Variants in ARSG observed in about 807,000 individuals in gnomAD.
The protein encoded by ARSG is arylsulfatase G.
ARSG carries 37 observed loss-of-function variants against 50.5 expected under a neutral mutation model. That is an observed-to-expected ratio of 0.73 (90% confidence interval 0.56 to 0.96). The LOEUF is 0.96. ARSG is among the 50% of genes least tolerant of loss of function. The pLI is 0.00. For missense variants in ARSG, 629 were observed against 675.3 expected, an observed-to-expected ratio of 0.93 and a Z score of 0.76; for synonymous variants, 225 against 254.6, an observed-to-expected ratio of 0.88 and a Z score of 1.11.
chr17:68,337,467 C>T (rs2078073250), intron 2 of ARSG, among the ~76,000 whole-genome samples: 1 of 151,946 alleles, frequency 6.6e-6, no homozygotes, highest in African/African-American at 2.4e-5. Context: ...AGAACAGCAG[C>T]CATCAGGGAG....
intron 1 of ARSG, among the ~76,000 whole-genome samples, chr17:68,278,676 G>A (rs2075603230): frequency 7.3e-6 from 1 of 136,188 alleles, no homozygotes; most frequent in Non-Finnish European, 1.5e-5. Context: ...CTGCAGTGTA[G>A]TTGTGTGATC....
chr17:68,272,784 A>G, intron 1 of ARSG: 1 of 1,612,984 alleles, frequency 6.2e-7, no homozygotes, highest in East Asian at 2.2e-5. Context: ...AAGAAAAGTC[A>G]AAAAAGCCAA....
At chr17:68,309,306 T>C (rs1456414610) in intron 2 of ARSG, among the ~76,000 whole-genome samples, 3 of 152,140 alleles carry the variant, frequency 2.0e-5, no homozygotes, top group Admixed American at 2.0e-4. Flanking sequence ...CACACCTCCC[T>C]GCAAGCCGAG....
At chr17:68,293,292 A>G (rs1439943698) in intron 1 of ARSG, among the ~76,000 whole-genome samples, 1 of 152,194 alleles carries the variant, frequency 6.6e-6, no homozygotes, top group Non-Finnish European at 1.5e-5. Context: ...CATATTCTGT[A>G]TGTCTTAGGA....
chr17:68,322,323 C>A (rs2145863872), intron 2 of ARSG, among the ~76,000 whole-genome samples: 1 of 152,274 alleles, frequency 6.6e-6, no homozygotes, highest in South Asian at 2.1e-4. Flanking sequence ...AAACTGCATC[C>A]CGCTGTAGAA....
chr17:68,418,958 A>G (rs2147566417), intron 11 of ARSG, among the ~76,000 whole-genome samples: 1 of 147,464 alleles, frequency 6.8e-6, no homozygotes, highest in South Asian at 2.1e-4. Context: ...CCCTTTGTTT[A>G]TTTAATTATG....
At chr17:68,434,020 T>C in the ARSG span, among the ~76,000 whole-genome samples, 1 of 152,008 alleles carries the variant, frequency 6.6e-6, no homozygotes, top group Non-Finnish European at 1.5e-5. Flanking sequence ...TCTGCCTGCC[T>C]TGGCCTCCCA....
chr17:68,351,944 G>T (rs983569100), intron 5 of ARSG, among the ~76,000 whole-genome samples: 1 of 152,114 alleles, frequency 6.6e-6, no homozygotes, highest in Non-Finnish European at 1.5e-5. Context: ...GGAGAGGCTT[G>T]TGCTGCTAGG....
At chr17:68,428,991 C>T in the ARSG span, 8 of 1,387,860 alleles carry the variant, frequency 5.8e-6, no homozygotes, top group East Asian at 2.3e-5. Context: ...GCGATGGATT[C>T]GCTTCCAATG....
At chr17:68,334,543 TC>T (rs1414585197) in intron 2 of ARSG, among the ~76,000 whole-genome samples, 6 of 152,260 alleles carry the variant, frequency 3.9e-5, no homozygotes, top group African/African-American at 1.4e-4. Context: ...ACAACCATTT[TC>T]TTAGAGCCCA....
chr17:68,320,550 C>T lies in ARSG; in HGVS notation c.218+12839C>T, dbSNP rs143713954. On this transcript the variant is annotated intron_variant, in intron 2 of 11. Transcript: ENST00000621439. ...CAGACAACCAAAAGCCCTCACTCTC[C>T]GGGGGGTGTTGCATTCTAGCAGTTG... Among the ~76,000 whole-genome samples, 746 of 152,188 alleles carry T rather than the reference C, an allele frequency of 4.9e-3. 9 individuals carry two copies. The highest frequency in any genetic ancestry group is 0.016 in the African/African-American group (672 of 41,530).
At chr17:68,450,900 G>A in the ARSG span, 2 of 1,610,678 alleles carry the variant, frequency 1.2e-6, no homozygotes, top group Non-Finnish European at 1.7e-6. Context: ...GATTTCATCT[G>A]GGAGGAAAAG....
At chr17:68,270,965 T>G (rs782405284) in intron 1 of ARSG, 2 of 1,614,166 alleles carry the variant, frequency 1.2e-6, no homozygotes, top group Non-Finnish European at 1.7e-6. Flanking sequence ...GTCCCTCCTA[T>G]TGTTCCAACC....
the ARSG span, among the ~76,000 whole-genome samples, chr17:68,438,427 T>C: frequency 1.3e-5 from 2 of 152,134 alleles, no homozygotes; most frequent in African/African-American, 4.8e-5. Context: ...CTTGTGAAAC[T>C]GGGGAGGGAA....
intron 11 of ARSG, 22 bp downstream of exon 11, chr17:68,401,472 C>A (rs1208552447): frequency 1.2e-6 from 2 of 1,608,906 alleles, no homozygotes; most frequent in African/African-American, 2.7e-5. Context: ...GCCACTTAGC[C>A]CTGCCTCCCA....
intron 3 of ARSG, among the ~76,000 whole-genome samples, chr17:68,344,189 AGAG>A (rs1037911052): frequency 1.8e-4 from 27 of 152,322 alleles, no homozygotes; most frequent in African/African-American, 6.3e-4. Flanking sequence ...GGAAGGAAGA[AGAG>A]AAGGGAGATG....
chr17:68,424,061 C>T (rs974022290), downstream of ARSG, among the ~76,000 whole-genome samples: 3 of 152,252 alleles, frequency 2.0e-5, no homozygotes, highest in South Asian at 2.1e-4. Flanking sequence ...AAATAACCAC[C>T]GCCTCTTGAG....
At chr17:68,435,757 G>T in the ARSG span, 1 of 1,569,904 alleles carries the variant, frequency 6.4e-7, no homozygotes, top group South Asian at 1.1e-5. Flanking sequence ...GCGGAGGAGG[G>T]AAGATGGATT....
At chr17:68,278,207 G>A (rs782176622) in intron 1 of ARSG, 2 of 1,614,134 alleles carry the variant, frequency 1.2e-6, no homozygotes, top group Admixed American at 1.7e-5. Context: ...TGATGCCGTA[G>A]GTGAAGACTT....
Sources: allele counts gnomAD v4.1 joint callset (sites outside exome capture counted in the v4.1 genomes callset), GRCh38; gene constraint gnomAD v4.1.1; transcripts MANE v1.5; gene names NCBI Gene and HGNC (gene_info 2026-07-23, HGNC 2026-07-21).